Variants in RUVBL1 observed in about 807,000 individuals in gnomAD.
RUVBL1 encodes the protein ruvB-like 1.
In RUVBL1, 4 loss-of-function variants were observed where a neutral mutation model predicts 52.4. The observed-to-expected ratio is 0.08, with a 90% CI of 0.04 to 0.17. The LOEUF (loss-of-function observed/expected upper bound fraction) is 0.17. RUVBL1 is among the 10% of genes least tolerant of loss of function. The pLI is 1.00. For synonymous variants in RUVBL1, 217 were observed against 214.4 expected, an observed-to-expected ratio of 1.01 and a Z score of -0.10; for missense variants, 298 against 572.8, an observed-to-expected ratio of 0.52 and a Z score of 4.90.
intron 6 of RUVBL1, among the ~76,000 whole-genome samples, chr3:128,099,972 A>C (rs1343112832): frequency 6.6e-6 from 1 of 152,238 alleles, no homozygotes; most frequent in Non-Finnish European, 1.5e-5. Context: ...CTGTTGGTCC[A>C]AGATGAGTCT....
At chr3:128,110,954 C>T (rs1376444218) in intron 3 of RUVBL1, among the ~76,000 whole-genome samples, 6 of 151,752 alleles carry the variant, frequency 4.0e-5, no homozygotes, top group East Asian at 1.9e-4. Flanking sequence ...GAGCCAGGCA[C>T]GGTGGCTCAT....
At chr3:128,139,135 C>G (rs1190896530) in intron 1 of RUVBL1, among the ~76,000 whole-genome samples, 2 of 152,134 alleles carry the variant, frequency 1.3e-5, no homozygotes, top group Non-Finnish European at 2.9e-5. Flanking sequence ...TCCTTCTGGG[C>G]AAAGATTTCT....
At chr3:128,135,295 G>A (rs1943932788) in intron 1 of RUVBL1, among the ~76,000 whole-genome samples, 1 of 152,230 alleles carries the variant, frequency 6.6e-6, no homozygotes, top group African/African-American at 2.4e-5. Flanking sequence ...CACTTTGGGA[G>A]GCCGAGGCGG....
At chr3:128,150,595 T>C (rs142331306) in intron 1 of RUVBL1, among the ~76,000 whole-genome samples, 2,100 of 138,610 alleles carry the variant, frequency 0.015, 52 homozygotes, top group African/African-American at 0.052. Flanking sequence ...AGAATATATA[T>C]ATTTGACAGA....
intron 8 of RUVBL1, among the ~76,000 whole-genome samples, chr3:128,096,632 T>C (rs4058156): frequency 0.87 from 133,009 of 152,060 alleles, 58,514 homozygotes; most frequent in African/African-American, 0.97. Flanking sequence ...CAAGACCATC[T>C]TGGCTAACAC....
At chr3:128,111,219 CAAAAAAAAA>C (rs11289688) in intron 3 of RUVBL1, among the ~76,000 whole-genome samples, 2 of 128,644 alleles carry the variant, frequency 1.6e-5, no homozygotes, top group Admixed American at 7.8e-5. Flanking sequence ...GACTCTCTCT[CAAAAAAAAA>C]AAAAAAAAGG....
At chr3:128,108,337 A>T (rs1005442686) in intron 3 of RUVBL1, among the ~76,000 whole-genome samples, 2 of 152,174 alleles carry the variant, frequency 1.3e-5, no homozygotes, top group African/African-American at 2.4e-5. Context: ...CGCTGCCATC[A>T]AAAGAATGGT....
Position 128,149,463 on chromosome 3 carries a change from G to GTA in RUVBL1, c.-40+3739_-40+3740insTA, listed in dbSNP as rs1165998814. On this transcript the variant is annotated intron_variant, in intron 1 of 9. Transcript: ENST00000464873. ...GCCTCTCAAAGTGCTGGGGTTACAG[G>GTA]TGTAAGCCACTATGCCTGGCCTTTG... 2.0e-5 allele frequency among the ~76,000 whole-genome samples: 3 copies of GTA among 152,270 alleles called. No individual in the cohort carries two copies. The East Asian group carries it at 5.8e-4, about 29-fold the overall frequency.
intron 1 of RUVBL1, among the ~76,000 whole-genome samples, chr3:128,144,749 G>C (rs1209303787): frequency 6.6e-6 from 1 of 152,220 alleles, no homozygotes; most frequent in Non-Finnish European, 1.5e-5. Flanking sequence ...AGGGATGGTA[G>C]GACAGAGACA....
intron 3 of RUVBL1, among the ~76,000 whole-genome samples, chr3:128,106,735 T>C (rs1372285242): frequency 6.6e-6 from 1 of 152,188 alleles, no homozygotes; most frequent in African/African-American, 2.4e-5. Context: ...CATTTACATG[T>C]TCTATATGGT....
chr3:128,152,558 G>A (rs1944237163), intron 1 of RUVBL1, among the ~76,000 whole-genome samples: 1 of 152,022 alleles, frequency 6.6e-6, no homozygotes, highest in Non-Finnish European at 1.5e-5. Flanking sequence ...GTTTGACTTA[G>A]CCCTCACCCC....
upstream of RUVBL1, among the ~76,000 whole-genome samples, chr3:128,125,305 G>A (rs1007736078): frequency 2.1e-4 from 32 of 152,140 alleles, no homozygotes; most frequent in African/African-American, 7.2e-4. Context: ...GTGAGCCACC[G>A]CGCCCGGCCT....
In RUVBL1 at chr3:128,067,973, C is replaced by T. The variant is rs1012538353; in HGVS notation, c.940-2753G>A. 6.2e-6 allele frequency: 10 copies of T among 1,612,760 alleles called. No individual in the cohort carries two copies. Among genetic ancestry groups the T allele is most frequent in the Non-Finnish European group, 8.5e-6 (10 of 1,178,996 alleles). Reference sequence around the variant, plus strand: ...CCAATTCCAACTTCTCCCCTGTGGGCACCCTGCAGGTTGCAAAGCAGCTGA... The same window carrying T: ...CCAATTCCAACTTCTCCCCTGTGGGTACCCTGCAGGTTGCAAAGCAGCTGA... On this transcript the variant is annotated intron_variant, in intron 9 of 9. Transcript: ENST00000464873. This position sits in a 1 kb window ranked among gnomAD's most constrained non-coding sequence, Gnocchi z 4.1.
At chr3:128,097,243 C>A in intron 8 of RUVBL1, 57 bp downstream of exon 8, 1 of 1,510,058 alleles carries the variant, frequency 6.6e-7, no homozygotes, top group Admixed American at 1.8e-5. Flanking sequence ...TCCTGAGGAA[C>A]AAATGAGCCC....
chr3:128,082,552 G>A lies in RUVBL1; in HGVS notation c.1142C>T (p.Thr381Met), dbSNP rs1382834194. 27 of 1,613,088 alleles carry A rather than the reference G, an allele frequency of 1.7e-5. No individual in the cohort carries two copies. The highest frequency in any genetic ancestry group is 3.3e-5 in the South Asian group (3 of 90,948). The stretch of plus-strand genomic sequence containing the variant: ...CTCCTCACTGATGTTGATTCCTTCC[G>A]TCTGGGCACGGATTTTAATGATCTT... Reference protein sequence around the residue: ...MKQIIKIRAQTEGINISEEAL... With the variant: ...MKQIIKIRAQMEGINISEEAL... Residue 381 changes from threonine (T) to methionine (M), a missense_variant, in exon 10 of 11, where the codon ACG (threonine) becomes ATG (methionine). Around this residue, in one of 5 missense-constraint regions of RUVBL1, gnomAD observed 161 missense variants for 298.3 expected, o/e 0.54. Coordinates refer to ENST00000322623, the MANE Select transcript of RUVBL1 (RefSeq NM_003707.3). The surrounding 1 kb of genome is among the most constrained non-coding windows in gnomAD (Gnocchi z 4.7).
At chr3:128,123,844 C>T, upstream of RUVBL1, 1 of 1,359,290 alleles carries the variant, frequency 7.4e-7, no homozygotes, top group Non-Finnish European at 9.5e-7. Context: ...CCTAGACCGG[C>T]TTTCCATTGG....
intron 3 of RUVBL1, among the ~76,000 whole-genome samples, chr3:128,110,293 A>T (rs1035592178): frequency 6.6e-6 from 1 of 152,146 alleles, no homozygotes; most frequent in Non-Finnish European, 1.5e-5. Flanking sequence ...CTCTAAAAAA[A>T]ATTTAAAAAG....
intron 1 of RUVBL1, chr3:128,153,196 C>T: frequency 4.7e-6 from 6 of 1,287,920 alleles, no homozygotes; most frequent in Non-Finnish European, 5.9e-6. Context: ...TCCAAGTCTC[C>T]ACTCACCCAG....
At chr3:128,115,064 A>G (rs1943489616) in intron 2 of RUVBL1, among the ~76,000 whole-genome samples, 1 of 152,142 alleles carries the variant, frequency 6.6e-6, no homozygotes, top group Non-Finnish European at 1.5e-5. Flanking sequence ...TTCCAGAGGG[A>G]AAGTATATGA....
Sources: gnomAD v4.1 joint callset for allele counts (sites outside exome capture counted in the v4.1 genomes callset) on GRCh38, gnomAD v4.1.1 for gene constraint, gnomAD v4.1.1 regional missense constraint, Gnocchi (gnomAD v3.1) non-coding constraint, MANE v1.5 for transcripts, NCBI Gene and HGNC (gene_info 2026-07-23, HGNC 2026-07-21) for gene names.